The following BMP6 variants were observed in gnomAD, a reference collection of about 807,000 sequenced individuals.
The protein encoded by BMP6 is bone morphogenetic protein 6.
Under a neutral mutation model 54.1 loss-of-function variants are expected in BMP6, and 17 were observed. The ratio of observed to expected loss-of-function variants is 0.31; its 90% confidence interval spans 0.22 to 0.47. BMP6 has a LOEUF of 0.47. Among genes scored for constraint, BMP6 ranks in the 20% least tolerant of loss-of-function variants. BMP6 has a pLI of 1.00. For synonymous variants in BMP6, 328 were observed against 291.2 expected (o/e 1.13, Z -1.28); for missense variants, 720 against 690.4 (o/e 1.04, Z -0.48).
intron 1 of BMP6, among the ~76,000 whole-genome samples, chr6:7,838,670 C>T (rs573649760): frequency 2.0e-5 from 3 of 152,240 alleles, no homozygotes; most frequent in Non-Finnish European, 2.9e-5. Flanking sequence ...TGGCTGGGCG[C>T]GGTGGCTCAC....
chr6:7,780,803 G>A (rs1283131060), intron 1 of BMP6, among the ~76,000 whole-genome samples: 1 of 151,818 alleles, frequency 6.6e-6, no homozygotes, highest in Non-Finnish European at 1.5e-5. Context: ...TGTTGATCTC[G>A]GGGCTCAAGC....
At chr6:7,777,670 G>A (rs574030028) in intron 1 of BMP6, among the ~76,000 whole-genome samples, 11 of 136,534 alleles carry the variant, frequency 8.1e-5, no homozygotes, top group Admixed American at 6.1e-4. Flanking sequence ...CTATCTTTCC[G>A]GCATCACTAA....
intron 1 of BMP6, among the ~76,000 whole-genome samples, chr6:7,757,557 G>A (rs1757537991): frequency 6.6e-6 from 1 of 152,110 alleles, no homozygotes; most frequent in African/African-American, 2.4e-5. Flanking sequence ...TCCAAATAAT[G>A]TCACATTCTG....
chr6:7,780,351 C>G (rs1219940672), intron 1 of BMP6, among the ~76,000 whole-genome samples: 1 of 152,042 alleles, frequency 6.6e-6, no homozygotes, highest in Non-Finnish European at 1.5e-5. Flanking sequence ...AGCCCAAGAC[C>G]AGCCTGGCCA....
chr6:7,852,833 G>A (rs560167526), intron 2 of BMP6, among the ~76,000 whole-genome samples: 24 of 152,310 alleles, frequency 1.6e-4, no homozygotes, highest in African/African-American at 5.3e-4. Context: ...TGGAGTTCAA[G>A]GAGGCCAGGA....
chr6:7,728,902 A>G (rs1298999919), intron 1 of BMP6, among the ~76,000 whole-genome samples: 6 of 152,302 alleles, frequency 3.9e-5, no homozygotes, highest in Admixed American at 2.0e-4. Context: ...TTTCTTTACC[A>G]GCCTATCTAT....
At chr6:7,767,846 G>A (rs1479564648) in intron 1 of BMP6, among the ~76,000 whole-genome samples, 1 of 152,176 alleles carries the variant, frequency 6.6e-6, no homozygotes, top group Admixed American at 6.5e-5. Context: ...TAGGTGAAAG[G>A]AACTGCTGTA....
At chr6:7,836,475 T>C (rs914607723) in intron 1 of BMP6, among the ~76,000 whole-genome samples, 7 of 151,816 alleles carry the variant, frequency 4.6e-5, no homozygotes, top group African/African-American at 1.7e-4. Flanking sequence ...GAAATCAGAG[T>C]GGGTGTGGTC....
intron 1 of BMP6, among the ~76,000 whole-genome samples, chr6:7,841,348 T>G (rs941459733): frequency 1.2e-4 from 18 of 152,196 alleles, no homozygotes; most frequent in Non-Finnish European, 2.6e-4. Context: ...CTCAGCCCTC[T>G]CCCTTTCTCT....
chr6:7,785,712 A>G (rs1248941207), intron 1 of BMP6, among the ~76,000 whole-genome samples: 8 of 152,190 alleles, frequency 5.3e-5, no homozygotes, highest in Non-Finnish European at 2.9e-5. Context: ...AAGTCTGTTT[A>G]TGGAGGGAGA....
Position 7,862,457 on chromosome 6 carries a change from C to T in BMP6, c.1163C>T (p.Ser388Phe), listed in dbSNP as rs1339579305. The T allele has an allele frequency of 4.3e-6, 7 of 1,614,188 alleles. No homozygotes were observed. The highest frequency in any genetic ancestry group is 1.7e-5 in the Admixed American group (1 of 60,024). The change falls in exon 4 of 7, where the codon TCT becomes TTT. Residue 388 changes from serine to phenylalanine, a missense_variant. Coordinates refer to ENST00000283147, the MANE Select transcript of BMP6 (RefSeq NM_001718.6). The part of the protein sequence containing the change: ...SRRRQQSRNR[S>F]TQSQDVARVS... ...CGCCGACAACAGAGTCGTAATCGCT[C>T]TACCCAGTCCCAGGACGTGGCGCGG...
intron 2 of BMP6, among the ~76,000 whole-genome samples, chr6:7,861,084 CAA>C (rs3837026): frequency 5.3e-5 from 7 of 131,716 alleles, no homozygotes; most frequent in African/African-American, 2.8e-5. Context: ...GACCCAGTCT[CAA>C]AAAAAAAAAA....
At chr6:7,837,822 G>A (rs1758897758) in intron 1 of BMP6, among the ~76,000 whole-genome samples, 1 of 152,024 alleles carries the variant, frequency 6.6e-6, no homozygotes, top group Admixed American at 6.6e-5. Flanking sequence ...ACAAATTATG[G>A]CAATAAACTT....
intron 4 of BMP6, among the ~76,000 whole-genome samples, chr6:7,871,037 A>ATC (rs1260394863): frequency 6.6e-6 from 1 of 152,174 alleles, no homozygotes; most frequent in East Asian, 1.9e-4. Flanking sequence ...ACCCATTTAC[A>ATC]TCTCATGTCC....
chr6:7,864,810 A>T (rs942034060), intron 4 of BMP6, among the ~76,000 whole-genome samples: 40 of 152,182 alleles, frequency 2.6e-4, no homozygotes, highest in African/African-American at 9.2e-4. Flanking sequence ...GTTTTTGAAA[A>T]AGAGAAGAAA....
chr6:7,727,289 GAGCAGCAGC>G lies in BMP6; in HGVS notation c.347_355del (p.Gln116_Gln118del), dbSNP rs537332654. On this transcript the variant is annotated inframe_deletion, in exon 1 of 7. Coordinates refer to ENST00000283147, the MANE Select transcript of BMP6 (RefSeq NM_001718.6). ...GCCCCCGGCGCTCCGGCAGCAGGAGGAGCAGCAGCAGCAGCAGCAGCTGCCTCGCGGAGA... is the reference window on the plus strand; with the variant it reads ...GCCCCCGGCGCTCCGGCAGCAGGAGGAGCAGCAGCAGCTGCCTCGCGGAGA... 7.2e-5 allele frequency: 116 copies of G among 1,605,914 alleles called. 1 individual carries two copies. Among genetic ancestry groups the G allele is most frequent in the South Asian group, 6.3e-4 (57 of 90,400 alleles).
At chr6:7,861,686 C>CA in intron 3 of BMP6, 87 bp downstream of exon 3, 1 of 1,545,670 alleles carries the variant, frequency 6.5e-7, no homozygotes, top group Non-Finnish European at 8.8e-7. Context: ...GAACCGTGGG[C>CA]AACAGGCAAG....
At chr6:7,831,051 A>C (rs1001647965) in intron 1 of BMP6, among the ~76,000 whole-genome samples, 1 of 152,246 alleles carries the variant, frequency 6.6e-6, no homozygotes, top group Admixed American at 6.5e-5. Flanking sequence ...AAAGAGTCCA[A>C]ATGTCCATCG....
intron 1 of BMP6, among the ~76,000 whole-genome samples, chr6:7,809,117 C>G (rs115404846): frequency 1.0e-5 from 1 of 99,214 alleles, no homozygotes; most frequent in African/African-American, 4.2e-5. Flanking sequence ...CACCCCCCCC[C>G]AAAAAAAAAA....
Sources: allele counts gnomAD v4.1 joint callset (sites outside exome capture counted in the v4.1 genomes callset), GRCh38; gene constraint gnomAD v4.1.1; transcripts MANE v1.5; gene names NCBI Gene and HGNC (gene_info 2026-07-23, HGNC 2026-07-21).